KCNMA1: variants seen among roughly 807,000 people sequenced by gnomAD.
KCNMA1 encodes the protein potassium calcium-activated channel subfamily M alpha 1.
In KCNMA1, 29 loss-of-function variants were observed where a neutral mutation model predicts 140.0. The observed-to-expected ratio is 0.21, with a 90% CI of 0.15 to 0.28. The LOEUF (loss-of-function observed/expected upper bound fraction) is 0.28. KCNMA1 is among the 10% of genes least tolerant of loss of function. The probability of loss-of-function intolerance (pLI) is 1.00; values close to 1 mark genes in which losing one functional copy is unlikely to be tolerated. For missense variants in KCNMA1, 880 were observed against 1,602.2 expected, an observed-to-expected ratio of 0.55 and a Z score of 7.70; for synonymous variants, 612 against 611.9, an observed-to-expected ratio of 1.00 and a Z score of 0.00.
intron 14 of KCNMA1, among the ~76,000 whole-genome samples, chr10:77,049,453 T>G (rs1032446346): frequency 2.6e-5 from 4 of 152,182 alleles, no homozygotes; most frequent in Non-Finnish European, 5.9e-5. Context: ...TTAAGTACCA[T>G]CACAGCATTT....
intron 3 of KCNMA1, among the ~76,000 whole-genome samples, chr10:77,237,937 CTGTT>C (rs2056097135): frequency 6.6e-6 from 1 of 152,206 alleles, no homozygotes; most frequent in African/African-American, 2.4e-5. Flanking sequence ...TCAGGCCTGT[CTGTT>C]GCGGTTCCCC....
intron 5 of KCNMA1, among the ~76,000 whole-genome samples, chr10:77,140,963 C>T (rs1015646930): frequency 1.3e-5 from 2 of 152,028 alleles, no homozygotes; most frequent in African/African-American, 2.4e-5. Flanking sequence ...CCCACTAAGT[C>T]GTTTCTTTTA....
chr10:77,376,131 T>C (rs1425165744), intron 2 of KCNMA1, among the ~76,000 whole-genome samples: 5 of 152,228 alleles, frequency 3.3e-5, no homozygotes, highest in Non-Finnish European at 5.9e-5. Flanking sequence ...CAAGAGGCTC[T>C]TGCTGCTGGC....
In KCNMA1 at chr10:76,986,800, C is replaced by G. The variant is rs558133338; in HGVS notation, c.2266+14607G>C. ...ATGGGTTTGCCATGGCTTCCTACCCCGACTCAAATACCCAATGACATATGG... is the reference window on the plus strand; with the variant it reads ...ATGGGTTTGCCATGGCTTCCTACCCGGACTCAAATACCCAATGACATATGG... On this transcript the variant is annotated intron_variant, in intron 19 of 27. Coordinates refer to ENST00000286628, the MANE Select transcript of KCNMA1 (RefSeq NM_001161352.2). 5.2e-4 allele frequency among the ~76,000 whole-genome samples: 79 copies of G among 152,262 alleles called. 1 individual carries two copies. The South Asian group carries it at 0.016, about 31-fold the overall frequency.
chr10:76,998,021 G>C (rs2084955211), intron 19 of KCNMA1, among the ~76,000 whole-genome samples: 1 of 152,022 alleles, frequency 6.6e-6, no homozygotes, highest in Admixed American at 6.6e-5. Context: ...TCCTAAACTA[G>C]TCCTTCCCCT....
chr10:77,500,473 C>T (rs1416355592), intron 1 of KCNMA1, among the ~76,000 whole-genome samples: 1 of 152,126 alleles, frequency 6.6e-6, no homozygotes, highest in Admixed American at 6.6e-5. Context: ...TATAGTGAGA[C>T]ACCATCTCTA....
At chr10:76,997,325 C>A (rs533393619) in intron 19 of KCNMA1, among the ~76,000 whole-genome samples, 1 of 152,188 alleles carries the variant, frequency 6.6e-6, no homozygotes, top group Non-Finnish European at 1.5e-5. Flanking sequence ...TTGCAAAAGG[C>A]TGCATGTAAT....
At chr10:76,981,064 C>T (rs2079273281) in intron 19 of KCNMA1, among the ~76,000 whole-genome samples, 1 of 152,156 alleles carries the variant, frequency 6.6e-6, no homozygotes, top group African/African-American at 2.4e-5. Flanking sequence ...TGATTATTGC[C>T]TTGGCTTTGA....
intron 1 of KCNMA1, among the ~76,000 whole-genome samples, chr10:77,523,402 T>C (rs2054295088): frequency 6.6e-6 from 1 of 152,172 alleles, no homozygotes. Flanking sequence ...TTGCTTCAAA[T>C]GGAGGTATAA....
rs58578775 is a variant in KCNMA1, at chr10:77,508,340, A to ATTTT, written c.379-104321_379-104318dup. On this transcript the variant is annotated intron_variant, in intron 1 of 27. Transcript: ENST00000286628. ...CAGATACGCATCACCATGCCTGGCTATTTTTTTTTTTTTTTTGTAATTTTT... is the reference window on the plus strand; with the variant it reads ...CAGATACGCATCACCATGCCTGGCTATTTTTTTTTTTTTTTTTTTTGTAATTTTT... 9.2e-3 allele frequency among the ~76,000 whole-genome samples: 1,210 copies of ATTTT among 131,596 alleles called. 27 individuals carry two copies. Among genetic ancestry groups the ATTTT allele is most frequent in the African/African-American group, 0.031 (1,070 of 34,430 alleles). 86.3% of individuals were successfully genotyped at this position (131,596 alleles called of 152,430 possible).
chr10:77,223,987 C>A (rs1264598794), intron 3 of KCNMA1, among the ~76,000 whole-genome samples: 1 of 152,190 alleles, frequency 6.6e-6, no homozygotes, highest in East Asian at 1.9e-4. Flanking sequence ...AGATTGCTTG[C>A]TCTGCCACGC....
chr10:77,617,400 T>C (rs1445010140), intron 1 of KCNMA1, among the ~76,000 whole-genome samples: 1 of 152,178 alleles, frequency 6.6e-6, no homozygotes, highest in African/African-American at 2.4e-5. Context: ...TCACCACCCC[T>C]GAATTAGGGC....
chr10:77,437,602 T>A (rs1162854227), intron 1 of KCNMA1, among the ~76,000 whole-genome samples: 1 of 152,160 alleles, frequency 6.6e-6, no homozygotes, highest in Non-Finnish European at 1.5e-5. Flanking sequence ...CAGTGTTACA[T>A]ACATTCCTAA....
In KCNMA1 at chr10:77,060,346, T is replaced by C. The variant is rs528375735; in HGVS notation, c.1749+12751A>G. On this transcript the variant is annotated intron_variant, in intron 14 of 27. Transcript: ENST00000286628. ...ATTGTTCCTAGACCTTGAAGCTCAATGGAGTTTGCCATATTGGAATCTGAA... is the reference window on the plus strand; with the variant it reads ...ATTGTTCCTAGACCTTGAAGCTCAACGGAGTTTGCCATATTGGAATCTGAA... Among the ~76,000 whole-genome samples the C allele has an allele frequency of 3.9e-4, 59 of 152,338 alleles. No individual in the cohort carries two copies. In the South Asian group the frequency reaches 0.012, roughly 32 times the overall value.
chr10:77,030,009 G>C (rs911547457), intron 15 of KCNMA1, among the ~76,000 whole-genome samples: 2 of 152,178 alleles, frequency 1.3e-5, no homozygotes, highest in Admixed American at 6.6e-5. Flanking sequence ...CTGGATAGGG[G>C]GATGTGTTGC....
At chr10:77,091,325 G>A (rs953334506) in intron 9 of KCNMA1, 1 of 152,300 alleles carries the variant, frequency 6.6e-6, no homozygotes, top group Non-Finnish European at 1.5e-5. Flanking sequence ...TTGGACTTCT[G>A]TTTCTGGAAG....
intron 2 of KCNMA1, among the ~76,000 whole-genome samples, chr10:77,256,013 G>A (rs925484325): frequency 6.6e-6 from 1 of 151,944 alleles, no homozygotes; most frequent in South Asian, 2.1e-4. Context: ...CATCTCGCTA[G>A]ATGAAAATCC....
chr10:77,037,533 G>A (rs903546286), intron 15 of KCNMA1, among the ~76,000 whole-genome samples: 5 of 152,134 alleles, frequency 3.3e-5, no homozygotes, highest in African/African-American at 1.2e-4. Flanking sequence ...CCCATAAGAG[G>A]AACGGACTCA....
chr10:77,404,813 G>A (rs2096412728), intron 1 of KCNMA1, among the ~76,000 whole-genome samples: 1 of 152,132 alleles, frequency 6.6e-6, no homozygotes. Context: ...CCTGCCAACA[G>A]CAATTGGGCC....
Sources: allele counts gnomAD v4.1 joint callset (sites outside exome capture counted in the v4.1 genomes callset), GRCh38; gene constraint gnomAD v4.1.1; transcripts MANE v1.5; gene names NCBI Gene and HGNC (gene_info 2026-07-23, HGNC 2026-07-21).